ICA1L: variants seen among roughly 807,000 people sequenced by gnomAD.
ICA1L encodes islet cell autoantigen 1 like.
A neutral mutation model predicts 61.3 loss-of-function variants in ICA1L; 50 were observed. The ratio of observed to expected loss-of-function variants is 0.82; its 90% CI spans 0.65 to 1.03. The LOEUF is 1.03. Ranked by LOEUF, ICA1L falls within the 50% of genes least tolerant of loss-of-function variation. ICA1L has a pLI of 0.00. For synonymous variants in ICA1L, 161 were observed against 191.3 expected (o/e 0.84, Z 1.31); for missense variants, 508 against 556.7 (o/e 0.91, Z 0.88).
Position 202,773,819 on chromosome 2 carries a change from G to A in ICA1L, c.*5714C>T. On this transcript the variant is annotated 3_prime_UTR_variant, in exon 13 of 13. Coordinates refer to ENST00000358299, the MANE Select transcript of ICA1L (RefSeq NM_001288622.3). ...GCAAGAGCAGGCTGTAAAAGCAAAG[G>A]CTAGCTGTGCAAGTGCAGCCCTGTG... The A allele has an allele frequency of 1.4e-6, 2 of 1,391,656 alleles. No individual in the cohort carries two copies. Among genetic ancestry groups the A allele is most frequent in the Non-Finnish European group, 2.0e-6 (2 of 980,262 alleles). 86.2% of individuals were successfully genotyped at this position (1,391,656 alleles called of 1,614,324 possible). A position where few individuals can be genotyped will look rare whatever the true frequency, so the allele number is the denominator to read the frequency against.
In ICA1L at chr2:202,778,508, A is replaced by G. The variant is rs918902478; in HGVS notation, c.*1025T>C. ...TTATTGATCACACAGAGCTTTCTGT[A>G]TGTCTGCCAGAAAGTATTCTGGGTT... is the stretch of plus-strand genomic sequence containing the variant. On this transcript the variant is annotated 3_prime_UTR_variant, in exon 13 of 13. Coordinates refer to ENST00000358299, the MANE Select transcript of ICA1L (RefSeq NM_001288622.3). 1.3e-5 allele frequency: 2 copies of G among 152,194 alleles called. No individual in the cohort carries two copies. Among genetic ancestry groups the G allele is most frequent in the African/African-American group, 4.8e-5 (2 of 41,448 alleles). 9.4% of individuals were successfully genotyped at this position (152,194 alleles called of 1,614,324 possible).
chr2:202,858,259 G>A (rs1694817579), intron 1 of ICA1L, among the ~76,000 whole-genome samples: 1 of 152,178 alleles, frequency 6.6e-6, no homozygotes, highest in African/African-American at 2.4e-5. Flanking sequence ...AGAAAATGAG[G>A]CACATATGCA....
chr2:202,841,545 G>A (rs1376713120), intron 1 of ICA1L: 2 of 717,852 alleles, frequency 2.8e-6, no homozygotes, highest in African/African-American at 3.5e-5. Context: ...TCCAGGTTAA[G>A]GGGGCTCAGC....
intron 3 of ICA1L, chr2:202,825,473 GA>G: frequency 3.9e-5 from 48 of 1,238,128 alleles, no homozygotes; most frequent in East Asian, 1.9e-4. Context: ...CTGTCTCAAA[GA>G]AAAAAAATAT....
intron 10 of ICA1L, among the ~76,000 whole-genome samples, chr2:202,789,289 A>C (rs1206407381): frequency 6.6e-6 from 1 of 152,222 alleles, no homozygotes; most frequent in Non-Finnish European, 1.5e-5. Flanking sequence ...TTTAACAATG[A>C]AGATATAACC....
chr2:202,868,431 A>T (rs1687587499), intron 1 of ICA1L, among the ~76,000 whole-genome samples: 1 of 152,156 alleles, frequency 6.6e-6, no homozygotes, highest in Non-Finnish European at 1.5e-5. Flanking sequence ...ATAAAACTAA[A>T]CATGCTGCTA....
Position 202,841,015 on chromosome 2 carries a change from T to A in ICA1L, c.-7-11999A>T, listed in dbSNP as rs1217616346. ...TTGACCTCAGCGATGATGCTGTCCA[T>A]GTCCAGGGAGTGGCTGTTGTTCATG... On this transcript the variant is annotated intron_variant, in intron 1 of 12. Coordinates refer to ENST00000358299, the MANE Select transcript of ICA1L (RefSeq NM_001288622.3). 3 of 667,920 alleles carry A rather than the reference T, an allele frequency of 4.5e-6. No individual in the cohort carries two copies. The African/African-American group carries it at 5.4e-5, about 12-fold the overall frequency. The allele number at this position is 667,920 out of a possible 1,614,324, so 41.4% of individuals were successfully genotyped here. A position where few individuals can be genotyped will look rare whatever the true frequency, so the allele number is the denominator to read the frequency against.
intron 9 of ICA1L, among the ~76,000 whole-genome samples, chr2:202,803,148 C>T (rs941537199): frequency 6.6e-6 from 1 of 152,002 alleles, no homozygotes; most frequent in Non-Finnish European, 1.5e-5. Flanking sequence ...TGGCTCACAC[C>T]TGTAGTCCCA....
chr2:202,865,676 A>C (rs1687488978), intron 1 of ICA1L, among the ~76,000 whole-genome samples: 1 of 152,236 alleles, frequency 6.6e-6, no homozygotes, highest in Non-Finnish European at 1.5e-5. Flanking sequence ...GAATCTTTTA[A>C]AAATCTACTA....
In ICA1L at chr2:202,821,349, A is replaced by G. The variant is rs1420797437; in HGVS notation, c.359+9T>C. ...TACAGATTCAAGATAATGAACAACC[A>G]TGGTAAACCTTTGCTTGGCTGAAGA... On this transcript the variant is annotated intron_variant, in intron 4 of 12. Coordinates refer to ENST00000358299, the MANE Select transcript of ICA1L (RefSeq NM_001288622.3). 2 of 1,608,268 alleles carry G rather than the reference A, an allele frequency of 1.2e-6. No homozygotes were observed. Among genetic ancestry groups the G allele is most frequent in the Non-Finnish European group, 1.7e-6 (2 of 1,178,388 alleles).
At chr2:202,869,444 T>C (rs1281865210) in intron 1 of ICA1L, 1 of 152,224 alleles carries the variant, frequency 6.6e-6, no homozygotes, top group Non-Finnish European at 1.5e-5. Flanking sequence ...ATGTAACTTA[T>C]TTAAAATTTA....
chr2:202,792,281 T>G (rs1336982135), intron 10 of ICA1L, among the ~76,000 whole-genome samples: 1 of 152,232 alleles, frequency 6.6e-6, no homozygotes, highest in Non-Finnish European at 1.5e-5. Flanking sequence ...GAAAAAAGTT[T>G]GGCAGTTCCT....
chr2:202,850,571 T>C (rs1354903959), intron 1 of ICA1L, among the ~76,000 whole-genome samples: 1 of 151,922 alleles, frequency 6.6e-6, no homozygotes, highest in African/African-American at 2.4e-5. Context: ...AAATAAGGCA[T>C]GAAGACAAAA....
At chr2:202,794,825 T>C (rs1302385464) in intron 10 of ICA1L, among the ~76,000 whole-genome samples, 1 of 152,080 alleles carries the variant, frequency 6.6e-6, no homozygotes, top group Non-Finnish European at 1.5e-5. Context: ...CTGAAAGATA[T>C]ACAAGTAAAC....
rs377572219 is a variant in ICA1L, at chr2:202,821,428, G to A, written c.289C>T (p.Arg97Trp). 3.4e-5 allele frequency: 55 copies of A among 1,612,536 alleles called. No homozygotes were observed. Among genetic ancestry groups the A allele is most frequent in the Middle Eastern group, 1.6e-4 (1 of 6,080 alleles). The change falls in exon 4 of 13, where the codon CGG (arginine) becomes TGG (tryptophan). Residue 97 changes from arginine to tryptophan, a missense_variant. Coordinates refer to ENST00000358299, the MANE Select transcript of ICA1L (RefSeq NM_001288622.3). Reference sequence around the variant, plus strand: ...ATTTTGCCAGCTTGAGTTGCATCCCGTTCTGCTTGAAATTTTAAAAAGAGC... The same window carrying A: ...ATTTTGCCAGCTTGAGTTGCATCCCATTCTGCTTGAAATTTTAAAAAGAGC... ...LGLFLKFQAE[R>W]DATQAGKMMD...
chr2:202,853,493 C>A (rs1694688582), intron 1 of ICA1L, among the ~76,000 whole-genome samples: 1 of 151,950 alleles, frequency 6.6e-6, no homozygotes, highest in South Asian at 2.1e-4. Context: ...GCAACAAAAG[C>A]CAAAATTGAC....
intron 8 of ICA1L, among the ~76,000 whole-genome samples, chr2:202,812,271 G>A (rs1274690186): frequency 1.3e-5 from 2 of 152,070 alleles, no homozygotes; most frequent in African/African-American, 4.8e-5. Flanking sequence ...TGATATAATA[G>A]ACAAAAAGTT....
Position 202,774,120 on chromosome 2 carries a change from T to G in ICA1L, c.*5413A>C. The G allele has an allele frequency of 7.5e-7, 1 of 1,325,118 alleles. No individual in the cohort carries two copies. The highest frequency in any genetic ancestry group is 2.0e-5 in the Admixed American group (1 of 48,806). The allele number at this position is 1,325,118 out of a possible 1,614,324, so 82.1% of individuals were successfully genotyped here. On this transcript the variant is annotated 3_prime_UTR_variant, in exon 13 of 13. Transcript: ENST00000358299. The stretch of plus-strand genomic sequence containing the variant: ...CCATCAATGATTGGATAAGCTATTC[T>G]CAACTCTTCATTAATCAATTCATTT...
chr2:202,820,471 C>T (rs1336285752), intron 4 of ICA1L, among the ~76,000 whole-genome samples: 2 of 152,092 alleles, frequency 1.3e-5, no homozygotes, highest in Non-Finnish European at 2.9e-5. Flanking sequence ...TATAAATAAC[C>T]TGCCAAGTAA....
Sources: gnomAD v4.1 joint callset for allele counts (sites outside exome capture counted in the v4.1 genomes callset) on GRCh38, gnomAD v4.1.1 for gene constraint, MANE v1.5 for transcripts, NCBI Gene and HGNC (gene_info 2026-07-23, HGNC 2026-07-21) for gene names.